Variants in AP3D1 observed in about 807,000 individuals in gnomAD.
AP3D1 encodes the protein AP-3 complex subunit delta-1.
A neutral mutation model predicts 147.6 loss-of-function variants in AP3D1; 51 were observed. The ratio of observed to expected loss-of-function variants is 0.35; its 90% CI spans 0.28 to 0.44. AP3D1 has a LOEUF of 0.44. Among genes scored for constraint, AP3D1 ranks in the 20% least tolerant of loss-of-function variants. The pLI, the probability that AP3D1 is intolerant of heterozygous loss-of-function variation, is 1.00. For missense variants in AP3D1, 1,421 were observed against 1,624.2 expected (o/e 0.87, Z 2.15); for synonymous variants, 760 against 663.0 (o/e 1.15, Z -2.25).
At chr19:2,135,016 T>C (rs1477982868) in intron 4 of AP3D1, among the ~76,000 whole-genome samples, 1 of 151,632 alleles carries the variant, frequency 6.6e-6, no homozygotes, top group African/African-American at 2.4e-5. Flanking sequence ...CTGGCCAACA[T>C]GGTGAAACCC....
In AP3D1 at chr19:2,129,324, G is replaced by C; in HGVS notation, c.726C>G (p.Ile242Met). ...ATTCCCGGGCAGTACTTGCCAGCTT[G>C]ATGATCTTGATGAGGACCCAGTTGT... ...STNNWVLIKIIKLFGALTPLE... is the reference protein window; with the variant it reads ...STNNWVLIKIMKLFGALTPLE... Residue 242 changes from isoleucine to methionine, a missense_variant, in exon 7 of 32, where the codon ATC becomes ATG. Transcript: ENST00000643116. The C allele has an allele frequency of 6.2e-7, 1 of 1,613,948 alleles. No homozygotes were observed. Among genetic ancestry groups the C allele is most frequent in the Non-Finnish European group, 8.5e-7 (1 of 1,180,030 alleles).
chr19:2,103,557 G>A (rs1047093231), intron 31 of AP3D1, among the ~76,000 whole-genome samples: 1 of 152,332 alleles, frequency 6.6e-6, no homozygotes, highest in African/African-American at 2.4e-5. Flanking sequence ...CCATGCTGCG[G>A]ATCCCGTTCC....
At chr19:2,109,552 G>T (rs1050678747) in intron 29 of AP3D1, 2 of 487,970 alleles carry the variant, frequency 4.1e-6, no homozygotes, top group Non-Finnish European at 7.4e-6. Flanking sequence ...GGGGGAGGGG[G>T]TGCCGCACGC....
chr19:2,124,483 G>A (rs1181603784), intron 9 of AP3D1, among the ~76,000 whole-genome samples: 2 of 152,146 alleles, frequency 1.3e-5, no homozygotes, highest in African/African-American at 4.8e-5. Context: ...AAGACATGAA[G>A]CCAGGGGACC....
intron 21 of AP3D1, among the ~76,000 whole-genome samples, 167 bp downstream of exon 21, chr19:2,114,581 G>A (rs2018385908): frequency 6.6e-6 from 1 of 152,170 alleles, no homozygotes; most frequent in Non-Finnish European, 1.5e-5. Flanking sequence ...GGTTGGGAGG[G>A]CCAGCCAAGA....
At chr19:2,137,857 A>G (rs1463204855) in intron 2 of AP3D1, 50 bp from the exon 3 acceptor site, 1 of 1,588,766 alleles carries the variant, frequency 6.3e-7, no homozygotes. Flanking sequence ...AGCAGAGAGA[A>G]AGGTTTTGAG....
At position 2,141,350 on chromosome 19, in the gene AP3D1, C is replaced by T. The variant is rs140552008; in HGVS notation, c.97-2636G>A. 1.9e-3 allele frequency among the ~76,000 whole-genome samples: 289 copies of T among 151,632 alleles called. 1 individual carries two copies. Among genetic ancestry groups the T allele is most frequent in the African/African-American group, 6.2e-3 (256 of 41,322 alleles). Reference sequence around the variant, plus strand: ...GGGATGTAATTTAGAACACAGGGTGCGTATTTCCTTTATACACTAAGTCCT... The same window carrying T: ...GGGATGTAATTTAGAACACAGGGTGTGTATTTCCTTTATACACTAAGTCCT... On this transcript the variant is annotated intron_variant, in intron 1 of 31. Transcript: ENST00000643116.
Position 2,117,268 on chromosome 19 carries a change from T to A in AP3D1, c.1813A>T (p.Asn605Tyr). Residue 605 changes from asparagine (N) to tyrosine (Y), a missense_variant, in exon 16 of 32, where the codon AAC (asparagine) becomes TAC (tyrosine). Physicochemically the swap from Asn to Tyr is moderately radical, Grantham distance 143. Transcript: ENST00000643116. The part of the protein sequence containing the change: ...EVSALFAGEL[N>Y]PVAPKAQKKV... The stretch of plus-strand genomic sequence containing the variant: ...TTCTGGGCCTTGGGGGCCACTGGGT[T>A]CAGCTCCCCAGCAAAGAGAGCGCTG... 1 of 1,612,820 alleles carries A rather than the reference T, an allele frequency of 6.2e-7. No individual in the cohort carries two copies. The highest frequency in any genetic ancestry group is 8.5e-7 in the Non-Finnish European group (1 of 1,179,684).
At chr19:2,103,755 G>C (rs1199701629) in intron 31 of AP3D1, among the ~76,000 whole-genome samples, 2 of 152,284 alleles carry the variant, frequency 1.3e-5, no homozygotes, top group East Asian at 3.9e-4. Context: ...ACAAGGCCCA[G>C]AGGCTCACAG....
chr19:2,143,230 A>ATTT lies in AP3D1; in HGVS notation c.97-4519_97-4517dup, dbSNP rs776434810. 2.2e-3 allele frequency among the ~76,000 whole-genome samples: 160 copies of ATTT among 74,346 alleles called. 17 individuals carry two copies. In the Middle Eastern group the frequency reaches 0.027, roughly 13 times the overall value. 48.8% of individuals were successfully genotyped at this position (74,346 alleles called of 152,430 possible). On this transcript the variant is annotated intron_variant, in intron 1 of 31. Transcript: ENST00000643116. ...AGGCACGTGCCACCATGCCTGCCTAATTTTTTTTTTTTTTTTTTTTTTTTT... is the reference window on the plus strand; with the variant it reads ...AGGCACGTGCCACCATGCCTGCCTAATTTTTTTTTTTTTTTTTTTTTTTTTTTT...
At chr19:2,136,890 G>A (rs2019090738) in intron 4 of AP3D1, 121 bp downstream of exon 4, 9 of 912,314 alleles carry the variant, frequency 9.9e-6, no homozygotes, top group Middle Eastern at 3.1e-4. Context: ...CGGAAGCCCC[G>A]CTCGCACTCA....
upstream of AP3D1, among the ~76,000 whole-genome samples, chr19:2,155,372 C>A (rs527994757): frequency 2.9e-4 from 41 of 142,188 alleles, no homozygotes; most frequent in African/African-American, 9.4e-4. Context: ...AAAAAAAAAC[C>A]AAAAAAAACA....
intron 30 of AP3D1, 122 bp from the exon 31 acceptor site, chr19:2,108,888 G>A: frequency 7.5e-7 from 1 of 1,340,014 alleles, no homozygotes; most frequent in Non-Finnish European, 1.0e-6. Flanking sequence ...TGTAGGAGCA[G>A]GGTGTGGCCC....
intron 1 of AP3D1, among the ~76,000 whole-genome samples, chr19:2,148,273 T>C (rs1267138871): frequency 1.3e-5 from 2 of 152,204 alleles, no homozygotes; most frequent in Admixed American, 6.5e-5. Context: ...CTTTAGAAGC[T>C]GAGGACACTC....
intron 1 of AP3D1, among the ~76,000 whole-genome samples, chr19:2,147,966 G>A (rs1425996661): frequency 3.3e-5 from 5 of 151,646 alleles, no homozygotes; most frequent in Non-Finnish European, 5.9e-5. Context: ...GGAGGATCAC[G>A]AGGACAGGAG....
rs371009015 is a variant in AP3D1 at position 2,116,711 on chromosome 19, G to A, written c.1895C>T (p.Ser632Leu). 2.7e-5 allele frequency: 44 copies of A among 1,611,746 alleles called. No homozygotes were observed. The Admixed American group carries it at 3.0e-4, about 11-fold the overall frequency. ...CCTCTCGTCCTCTGACTCGCTGTCC[G>A]AGAGTGGCTCATTGATCCAGGCGTC... ...DLDAWINEPLSDSESEDERPR... is the reference protein window; with the variant it reads ...DLDAWINEPLLDSESEDERPR... The change falls in exon 17 of 32, where the codon TCG (serine) becomes TTG (leucine). Residue 632 changes from serine (S) to leucine (L), a missense_variant. Coordinates refer to ENST00000643116, the MANE Select transcript of AP3D1 (RefSeq NM_001261826.3).
At chr19:2,143,912 A>G (rs2144545486) in intron 1 of AP3D1, among the ~76,000 whole-genome samples, 1 of 152,030 alleles carries the variant, frequency 6.6e-6, no homozygotes, top group East Asian at 1.9e-4. Flanking sequence ...ACGTGGAGAA[A>G]CCCCATCTCC....
At chr19:2,112,452 CCAGGACACACT>C in intron 24 of AP3D1, 1 of 143,982 alleles carries the variant, frequency 6.9e-6, no homozygotes, top group Non-Finnish European at 1.5e-5. Flanking sequence ...TATGAAATGT[CCAGGACACACT>C]GATCCACAGA....
At chr19:2,124,604 G>A (rs1381708785) in intron 9 of AP3D1, among the ~76,000 whole-genome samples, 1 of 152,176 alleles carries the variant, frequency 6.6e-6, no homozygotes, top group South Asian at 2.1e-4. Context: ...TTCTTTTTAA[G>A]ACATGGGTTC....
Sources: gnomAD v4.1 joint callset for allele counts (sites outside exome capture counted in the v4.1 genomes callset) on GRCh38, gnomAD v4.1.1 for gene constraint, MANE v1.5 for transcripts, NCBI Gene and HGNC (gene_info 2026-07-23, HGNC 2026-07-21) for gene names.